The following GPR143 variants were observed in gnomAD, a reference collection of about 807,000 sequenced individuals.
GPR143 encodes G protein-coupled receptor 143.
In GPR143, 8 loss-of-function variants were observed where a neutral mutation model predicts 27.6. The ratio of observed to expected loss-of-function variants is 0.29; its 90% CI spans 0.17 to 0.52. The LOEUF is 0.52. Among genes scored for constraint, GPR143 ranks in the 20% least tolerant of loss-of-function variants. The pLI is 0.96. For synonymous variants in GPR143, 156 were observed against 153.2 expected, an observed-to-expected ratio of 1.02 and a Z score of -0.13; for missense variants, 303 against 343.1, an observed-to-expected ratio of 0.88 and a Z score of 0.92.
chrX:9,748,240 T>C (rs996327851), intron 4 of GPR143, among the ~76,000 whole-genome samples: 1 of 112,077 alleles, frequency 8.9e-6, no homozygotes, highest in African/African-American at 3.2e-5. Context: ...TACTTAAGAG[T>C]GGGCATGAGA....
Position 9,748,647 on chromosome X carries a change from T to C in GPR143, c.475A>G (p.Ile159Val). The change falls in exon 4 of 9, where the codon ATC becomes GTC. Residue 159 changes from isoleucine to valine, a missense_variant. Coordinates refer to ENST00000467482, the MANE Select transcript of GPR143 (RefSeq NM_000273.3). ...AGLSTILLYH[I>V]MAWGLATLLC... ...AGGGTGGCCAGGCCCCACGCCATGA[T>C]GTGATACAGCAGGATGGTGCTAGGG... 8.3e-7 allele frequency: 1 copy of C among 1,201,856 alleles called. No individual in the cohort carries two copies. The highest frequency in any genetic ancestry group is 1.1e-6 in the Non-Finnish European group (1 of 886,699).
intron 5 of GPR143, among the ~76,000 whole-genome samples, chrX:9,744,879 T>C (rs73472088): frequency 0.055 from 6,217 of 112,047 alleles, 450 homozygotes; most frequent in African/African-American, 0.19. Context: ...CTTTTTTCTA[T>C]AAGTCATTTC....
At chrX:9,730,668 A>T (rs921811465) in intron 8 of GPR143, among the ~76,000 whole-genome samples, 20 of 112,055 alleles carry the variant, frequency 1.8e-4, no homozygotes, top group African/African-American at 5.2e-4. Flanking sequence ...TGCCATTGGG[A>T]GGTGGCTGGT....
chrX:9,777,897 T>G (rs371244536), intron 1 of GPR143, among the ~76,000 whole-genome samples: 2 of 109,714 alleles, frequency 1.8e-5, no homozygotes, highest in East Asian at 5.8e-4. Context: ...GAGACCATCC[T>G]GGCTAACATG....
At chrX:9,768,379 G>A (rs989427811), upstream of GPR143, among the ~76,000 whole-genome samples, 4 of 111,420 alleles carry the variant, frequency 3.6e-5, no homozygotes, top group African/African-American at 1.3e-4. Flanking sequence ...TCCTCTAGGA[G>A]CAGCATCTTT....
chrX:9,764,160 G>A (rs571327588), intron 1 of GPR143, among the ~76,000 whole-genome samples: 2 of 110,879 alleles, frequency 1.8e-5, no homozygotes, highest in Non-Finnish European at 3.8e-5. Context: ...GCATGGTGGC[G>A]TGTGGCTGTA....
At chrX:9,726,434 C>T (rs1328065537) in intron 8 of GPR143, among the ~76,000 whole-genome samples, 1 of 111,696 alleles carries the variant, frequency 9.0e-6, no homozygotes, top group Non-Finnish European at 1.9e-5. Context: ...ATGGAAAACT[C>T]ATCTCTCAAT....
intron 1 of GPR143, among the ~76,000 whole-genome samples, chrX:9,762,502 A>T (rs1253023435): frequency 8.9e-6 from 1 of 111,898 alleles, no homozygotes; most frequent in Non-Finnish European, 1.9e-5. Context: ...CTAAACACAC[A>T]CTGTGCAATA....
At chrX:9,756,721 C>G (rs2083475459) in intron 3 of GPR143, among the ~76,000 whole-genome samples, 1 of 112,373 alleles carries the variant, frequency 8.9e-6, no homozygotes, top group Non-Finnish European at 1.9e-5. Context: ...AAAATTAAAA[C>G]AGATAATAAC....
At chrX:9,772,656 C>CA (rs1476262127) in intron 1 of GPR143, among the ~76,000 whole-genome samples, 1 of 107,472 alleles carries the variant, frequency 9.3e-6, no homozygotes, top group Admixed American at 1.0e-4. Flanking sequence ...TACTAAAATT[C>CA]AAAAAAATTA....
intron 8 of GPR143, among the ~76,000 whole-genome samples, chrX:9,735,262 C>T (rs1438834972): frequency 8.9e-6 from 1 of 112,059 alleles, no homozygotes; most frequent in Admixed American, 9.4e-5. Flanking sequence ...TCGCTGGCCA[C>T]CGGATAAAGC....
upstream of GPR143, among the ~76,000 whole-genome samples, chrX:9,766,785 T>C (rs757379618): frequency 9.1e-6 from 1 of 109,506 alleles, no homozygotes; most frequent in Non-Finnish European, 1.9e-5. Context: ...TAGCCCTAGC[T>C]TCTGGGGAGG....
At chrX:9,750,058 G>A (rs943809552) in intron 3 of GPR143, among the ~76,000 whole-genome samples, 2 of 109,559 alleles carry the variant, frequency 1.8e-5, no homozygotes, top group African/African-American at 6.7e-5. Flanking sequence ...GAGCCATAGC[G>A]GCGGCCCTTT....
chrX:9,739,697 C>G lies in GPR143; in HGVS notation c.908G>C (p.Gly303Ala). 1 of 1,173,272 alleles carries G rather than the reference C, an allele frequency of 8.5e-7. No individual in the cohort carries two copies. The highest frequency in any genetic ancestry group is 3.1e-5 in the East Asian group (1 of 32,371). The part of the protein sequence containing the change: ...FIMGILNPAQ[G>A]FLLSLAFYGW... ...GTAGAAGGCCAAAGACAAGAGAAAT[C>G]CCTGGGCTGGATTCAGGATTCCCTG... The change falls in exon 8 of 9, where the codon GGA becomes GCA. Residue 303 changes from glycine to alanine, a missense_variant. By Grantham distance (60) the Gly-to-Ala change is moderately conservative. Coordinates refer to ENST00000467482, the MANE Select transcript of GPR143 (RefSeq NM_000273.3).
At chrX:9,766,477 G>T, upstream of GPR143, among the ~76,000 whole-genome samples, 1 of 112,182 alleles carries the variant, frequency 8.9e-6, no homozygotes, top group Non-Finnish European at 1.9e-5. Flanking sequence ...TGTAATCCCA[G>T]CACCTTGGGA....
Position 9,765,563 on chromosome X carries a change from CT to C in GPR143, c.250+4del. ...TTCCAACCCGCGGGCCGCGCGCGCC[CT>C]TACCCAGGCAGCCGAGAAGGTCGCA... On this transcript the variant is annotated splice_donor_region_variant and intron_variant, in intron 1 of 8. Transcript: ENST00000467482. 9.3e-7 allele frequency: 1 copy of C among 1,080,011 alleles called. No individual in the cohort carries two copies. Among genetic ancestry groups the C allele is most frequent in the Non-Finnish European group, 1.2e-6 (1 of 832,422 alleles). The allele number at this position is 1,080,011 out of a possible 1,213,427, so 89.0% of individuals were successfully genotyped here. A position where few individuals can be genotyped will look rare whatever the true frequency, so the allele number is the denominator to read the frequency against.
At chrX:9,765,890 C>A (rs2083530706), upstream of GPR143, 1 of 968,919 alleles carries the variant, frequency 1.0e-6, no homozygotes, top group Non-Finnish European at 1.3e-6. Context: ...GCTGGGCGGG[C>A]TGGGGGCGGC....
chrX:9,756,931 CA>C (rs1213135983), intron 3 of GPR143, among the ~76,000 whole-genome samples: 2 of 112,500 alleles, frequency 1.8e-5, no homozygotes, highest in African/African-American at 6.5e-5. Flanking sequence ...CACTTGCAGA[CA>C]AATGTCAGTT....
chrX:9,752,863 GAA>G (rs200230731), intron 3 of GPR143, among the ~76,000 whole-genome samples: 1 of 107,856 alleles, frequency 9.3e-6, no homozygotes, highest in Non-Finnish European at 1.9e-5. Flanking sequence ...AAGAAAGAAA[GAA>G]AAAAAAAGGA....
Sources: gnomAD v4.1 joint callset for allele counts (sites outside exome capture counted in the v4.1 genomes callset) on GRCh38, gnomAD v4.1.1 for gene constraint, MANE v1.5 for transcripts, NCBI Gene and HGNC (gene_info 2026-07-23, HGNC 2026-07-21) for gene names.